RNF111: variants seen among roughly 807,000 people sequenced by gnomAD.
The protein encoded by RNF111 is ring finger protein 111, also known as E3 ubiquitin-protein ligase Arkadia.
RNF111 carries 17 observed loss-of-function variants against 95.1 expected under a neutral mutation model. That is an observed-to-expected ratio of 0.18 (90% confidence interval 0.12 to 0.27). RNF111 has a LOEUF of 0.27. Among genes scored for constraint, RNF111 ranks in the 10% least tolerant of loss-of-function variants. The pLI is 1.00. For synonymous variants in RNF111, 440 were observed against 414.8 expected, an observed-to-expected ratio of 1.06 and a Z score of -0.74; for missense variants, 1,189 against 1,210.4, an observed-to-expected ratio of 0.98 and a Z score of 0.26.
intron 2 of RNF111, among the ~76,000 whole-genome samples, chr15:59,038,492 T>C (rs557438204): frequency 6.6e-6 from 1 of 152,200 alleles, no homozygotes; most frequent in Non-Finnish European, 1.5e-5. Context: ...GATTGAGTTA[T>C]AGTTTTTGGT....
chr15:59,016,568 A>G (rs543196851), intron 1 of RNF111, among the ~76,000 whole-genome samples: 2 of 152,210 alleles, frequency 1.3e-5, no homozygotes, highest in Non-Finnish European at 2.9e-5. Flanking sequence ...AGCATATACC[A>G]TATTAGTCAA....
intron 13 of RNF111, among the ~76,000 whole-genome samples, chr15:59,093,141 T>C (rs2140256801): frequency 6.6e-6 from 1 of 152,300 alleles, no homozygotes; most frequent in Admixed American, 6.5e-5. Context: ...GTTACCAACA[T>C]GGGAGTGGGA....
intron 1 of RNF111, among the ~76,000 whole-genome samples, chr15:59,025,187 A>G (rs764430519): frequency 5.9e-5 from 9 of 152,222 alleles, no homozygotes; most frequent in Middle Eastern, 6.8e-3. Flanking sequence ...GCCCAGGCAG[A>G]AATCAAGTTT....
chr15:59,027,813 G>A (rs1415984147), intron 1 of RNF111, among the ~76,000 whole-genome samples: 2 of 149,876 alleles, frequency 1.3e-5, no homozygotes, highest in East Asian at 2.0e-4. Flanking sequence ...GATTACAGGC[G>A]TGAGCCACTG....
chr15:59,085,981 C>G (rs1466167438), intron 10 of RNF111, among the ~76,000 whole-genome samples, 196 bp downstream of exon 10: 2 of 152,100 alleles, frequency 1.3e-5, no homozygotes, highest in African/African-American at 2.4e-5. Flanking sequence ...AACATGTACT[C>G]TTAATGTACG....
At chr15:59,086,535 T>C (rs1484397579) in intron 10 of RNF111, among the ~76,000 whole-genome samples, 1 of 152,246 alleles carries the variant, frequency 6.6e-6, no homozygotes, top group Non-Finnish European at 1.5e-5. Context: ...GTTTGCTGTT[T>C]GTATTACATA....
chr15:59,031,100 A>G lies in RNF111; in HGVS notation c.278A>G (p.Lys93Arg). Residue 93 changes from lysine (K) to arginine (R), a missense_variant, in exon 2 of 14, where the codon AAA (lysine) becomes AGA (arginine). Lys to Arg is a conservative substitution (Grantham distance 26). This residue lies in a region of RNF111 where 1,024 missense variants were observed against 925.9 expected (regional missense o/e 1.11). Coordinates refer to ENST00000348370, the MANE Select transcript of RNF111 (RefSeq NM_017610.8). ...QEQEKSLVVRKKRKSQQAGPS... is the reference protein window; with the variant it reads ...QEQEKSLVVRRKRKSQQAGPS... ...CAAGAAAAAAGTCTCGTTGTGAGGAAAAAACGCAAAAGCCAGCAGGCTGGC... is the reference window on the plus strand; with the variant it reads ...CAAGAAAAAAGTCTCGTTGTGAGGAGAAAACGCAAAAGCCAGCAGGCTGGC... The G allele has an allele frequency of 6.2e-7, 1 of 1,614,238 alleles. No homozygotes were observed. The highest frequency in any genetic ancestry group is 1.1e-5 in the South Asian group (1 of 91,078).
At chr15:59,043,658 C>T (rs2041574649) in intron 2 of RNF111, among the ~76,000 whole-genome samples, 1 of 152,120 alleles carries the variant, frequency 6.6e-6, no homozygotes, top group South Asian at 2.1e-4. Context: ...GGGTACAAAT[C>T]TTTGTGTACA....
intron 1 of RNF111, 85 bp from the exon 2 acceptor site, chr15:59,030,719 T>A: frequency 1.1e-6 from 1 of 924,360 alleles, no homozygotes. Flanking sequence ...TAAGGGATCT[T>A]CTTGGTGGAA....
At chr15:59,020,097 A>G (rs2040262028) in intron 1 of RNF111, among the ~76,000 whole-genome samples, 1 of 148,646 alleles carries the variant, frequency 6.7e-6, no homozygotes, top group South Asian at 2.1e-4. Context: ...GTGTTATATA[A>G]GATATAAATA....
chr15:59,025,165 G>A lies in RNF111; in HGVS notation c.-19-5639G>A, dbSNP rs182774815. Among the ~76,000 whole-genome samples, 525 of 152,288 alleles carry A rather than the reference G, an allele frequency of 3.4e-3. 1 individual carries two copies. Among genetic ancestry groups the A allele is most frequent in the Non-Finnish European group, 5.3e-3 (358 of 68,020 alleles). ...CTCCCAAAGTGCAGGGATTACAGGCGTGAGCCACTGCGCCCAGGCAGAAAT... is the reference window on the plus strand; with the variant it reads ...CTCCCAAAGTGCAGGGATTACAGGCATGAGCCACTGCGCCCAGGCAGAAAT... On this transcript the variant is annotated intron_variant, in intron 1 of 13. Coordinates refer to ENST00000348370, the MANE Select transcript of RNF111 (RefSeq NM_017610.8).
intron 2 of RNF111, among the ~76,000 whole-genome samples, chr15:59,051,764 A>G (rs1246137929): frequency 6.6e-6 from 1 of 150,560 alleles, no homozygotes; most frequent in Non-Finnish European, 1.5e-5. Context: ...AGAGTGAGAA[A>G]CTGTCTCAAT....
At chr15:59,071,072 C>T (rs913678530) in intron 6 of RNF111, among the ~76,000 whole-genome samples, 4 of 151,190 alleles carry the variant, frequency 2.6e-5, no homozygotes, top group Non-Finnish European at 5.9e-5. Context: ...CTGAGGCAGG[C>T]GGATCATGAA....
At chr15:59,055,983 T>G in intron 4 of RNF111, 138 bp downstream of exon 4, 1 of 655,570 alleles carries the variant, frequency 1.5e-6, no homozygotes. Context: ...TTTAATCTCG[T>G]TTTTAATTGA....
intron 7 of RNF111, among the ~76,000 whole-genome samples, chr15:59,080,049 C>T (rs2078690627): frequency 6.6e-6 from 1 of 150,732 alleles, no homozygotes; most frequent in Admixed American, 6.6e-5. Context: ...AGATTTTTCT[C>T]AGATTGGCAT....
intron 5 of RNF111, among the ~76,000 whole-genome samples, chr15:59,065,590 T>C (rs2042620513): frequency 6.6e-6 from 1 of 152,352 alleles, no homozygotes; most frequent in Non-Finnish European, 1.5e-5. Flanking sequence ...ACTCCATGTT[T>C]CTTTTCCCAC....
At chr15:59,015,159 A>T (rs1320316404) in intron 1 of RNF111, among the ~76,000 whole-genome samples, 2 of 152,160 alleles carry the variant, frequency 1.3e-5, no homozygotes, top group African/African-American at 2.4e-5. Flanking sequence ...TTAAATTCTG[A>T]TATTTTTCTT....
intron 3 of RNF111, 142 bp from the exon 4 acceptor site, chr15:59,055,540 G>C (rs185752240): frequency 2.5e-6 from 1 of 406,128 alleles, no homozygotes; most frequent in Non-Finnish European, 3.9e-6. Context: ...CCGAGTGCCA[G>C]TCATGATTTT....
At chr15:59,043,226 C>T (rs1363752920) in intron 2 of RNF111, among the ~76,000 whole-genome samples, 1 of 151,618 alleles carries the variant, frequency 6.6e-6, no homozygotes, top group Non-Finnish European at 1.5e-5. Flanking sequence ...GCGATCTCCG[C>T]TCACTGCAGC....
Sources: allele counts gnomAD v4.1 joint callset (sites outside exome capture counted in the v4.1 genomes callset), GRCh38; gene constraint gnomAD v4.1.1; regional missense constraint gnomAD v4.1.1; transcripts MANE v1.5; gene names NCBI Gene and HGNC (gene_info 2026-07-23, HGNC 2026-07-21).